Variants in FDX1 observed in about 807,000 individuals in gnomAD.
FDX1 encodes the protein adrenodoxin, mitochondrial.
Under a neutral mutation model 14.9 loss-of-function variants are expected in FDX1, and 9 were observed. The observed-to-expected ratio is 0.60, with a 90% CI of 0.36 to 1.05. The LOEUF (loss-of-function observed/expected upper bound fraction) is 1.05, where lower values mean the gene tolerates loss of function less well. FDX1 is among the 50% of genes least tolerant of loss of function. The pLI is 0.01. For missense variants in FDX1, 204 were observed against 237.2 expected, an observed-to-expected ratio of 0.86 and a Z score of 0.92; for synonymous variants, 92 against 99.4, an observed-to-expected ratio of 0.93 and a Z score of 0.44.
At position 110,463,003 on chromosome 11, in the gene FDX1, G is replaced by T. The variant is rs1025514301; in HGVS notation, c.*535G>T. The T allele has an allele frequency of 1.3e-5, 2 of 152,152 alleles. No individual in the cohort carries two copies. Among genetic ancestry groups the T allele is most frequent in the African/African-American group, 2.4e-5 (1 of 41,428 alleles). The allele number at this position is 152,152 out of a possible 1,614,324, so 9.4% of individuals were successfully genotyped here. ...TGTGTATGGACAAAAATATTTAATT[G>T]CTCAGTAAACTGCTTAACTTCAAAG... On this transcript the variant is annotated 3_prime_UTR_variant, in exon 4 of 4. Transcript: ENST00000260270.
intron 2 of FDX1, among the ~76,000 whole-genome samples, chr11:110,455,057 A>G (rs1001989722): frequency 2.0e-5 from 3 of 152,116 alleles, no homozygotes; most frequent in Admixed American, 1.3e-4. Context: ...CCCAGGCTGG[A>G]GTGCAGTGGG....
chr11:110,452,381 C>T (rs1946492346), intron 2 of FDX1, among the ~76,000 whole-genome samples: 1 of 151,916 alleles, frequency 6.6e-6, no homozygotes, highest in Non-Finnish European at 1.5e-5. Flanking sequence ...AAAAGCTCTC[C>T]AAACTTAACA....
intron 2 of FDX1, among the ~76,000 whole-genome samples, chr11:110,438,548 C>G (rs1281764810): frequency 6.6e-6 from 1 of 152,090 alleles, no homozygotes; most frequent in Non-Finnish European, 1.5e-5. Context: ...GCCTCAGTCT[C>G]CTGAGTAGCT....
chr11:110,430,276 G>T lies in FDX1; in HGVS notation c.156G>T (p.Ser52=). The T allele has an allele frequency of 8.3e-7, 1 of 1,202,418 alleles. No individual in the cohort carries two copies. The highest frequency in any genetic ancestry group is 1.0e-6 in the Non-Finnish European group (1 of 968,906). The allele number at this position is 1,202,418 out of a possible 1,614,324, so 74.5% of individuals were successfully genotyped here. A position where few individuals can be genotyped will look rare whatever the true frequency, so the allele number is the denominator to read the frequency against. The change falls in exon 1 of 4, where the codon TCG becomes TCT. Residue 52 remains serine, a synonymous_variant. Transcript: ENST00000260270. ...GCGGGAGCGCGGAGGCGAGCCGGTC[G>T]CTGAGCGTGTCGGCGCGGGCCCGGA... The part of the protein sequence containing the change: ...GPGGSAEASR[S]LSVSARARSS...
chr11:110,442,133 G>A (rs1205331140), intron 2 of FDX1, among the ~76,000 whole-genome samples: 1 of 152,244 alleles, frequency 6.6e-6, no homozygotes, highest in African/African-American at 2.4e-5. Flanking sequence ...AGGATGTATG[G>A]AAATGCCTAG....
At chr11:110,444,703 T>TATATATATATATAC (rs1286422125) in intron 2 of FDX1, among the ~76,000 whole-genome samples, 1 of 56,092 alleles carries the variant, frequency 1.8e-5, no homozygotes, top group Non-Finnish European at 3.3e-5. Context: ...TATATATATA[T>TATATATATATATAC]ACGTATATAT....
intron 1 of FDX1, among the ~76,000 whole-genome samples, chr11:110,431,702 T>C (rs1591245063): frequency 6.6e-6 from 1 of 152,222 alleles, no homozygotes; most frequent in African/African-American, 2.4e-5. Context: ...TAAGGGAACA[T>C]GAATGTTTTT....
rs551435073 is a variant in FDX1, at chr11:110,463,396, C to G, written c.*928C>G. 21 of 152,326 alleles carry G rather than the reference C, an allele frequency of 1.4e-4. No homozygotes were observed. The highest frequency in any genetic ancestry group is 4.8e-4 in the African/African-American group (20 of 41,570). 9.4% of individuals were successfully genotyped at this position (152,326 alleles called of 1,614,324 possible). On this transcript the variant is annotated 3_prime_UTR_variant, in exon 4 of 4. Coordinates refer to ENST00000260270, the MANE Select transcript of FDX1 (RefSeq NM_004109.5). Reference sequence around the variant, plus strand: ...AGCGTGGGCTGCAGTGTGTCAGTCCCAGGAGTGAGGGAGTGGCAAGCACCA... The same window carrying G: ...AGCGTGGGCTGCAGTGTGTCAGTCCGAGGAGTGAGGGAGTGGCAAGCACCA...
In FDX1 at chr11:110,430,315, C is replaced by A; in HGVS notation, c.185+10C>A. ...CGCGGGCCCGGAGCAGGTAGGGCGCCGTGCGGGCGCGATCGCCGGCGCGGG... is the reference window on the plus strand; with the variant it reads ...CGCGGGCCCGGAGCAGGTAGGGCGCAGTGCGGGCGCGATCGCCGGCGCGGG... On this transcript the variant is annotated intron_variant, in intron 1 of 3. Coordinates refer to ENST00000260270, the MANE Select transcript of FDX1 (RefSeq NM_004109.5). The A allele has an allele frequency of 1.7e-6, 2 of 1,191,646 alleles. No individual in the cohort carries two copies. The highest frequency in any genetic ancestry group is 2.1e-6 in the Non-Finnish European group (2 of 961,786). The allele number at this position is 1,191,646 out of a possible 1,614,324, so 73.8% of individuals were successfully genotyped here.
intron 1 of FDX1, among the ~76,000 whole-genome samples, chr11:110,435,502 A>G (rs1221845686): frequency 6.6e-6 from 1 of 152,240 alleles, no homozygotes; most frequent in Non-Finnish European, 1.5e-5. Context: ...ATTACCTGGT[A>G]GGTGGGTAGA....
At chr11:110,453,244 A>G (rs979446097) in intron 2 of FDX1, among the ~76,000 whole-genome samples, 5 of 152,200 alleles carry the variant, frequency 3.3e-5, no homozygotes, top group African/African-American at 9.7e-5. Flanking sequence ...AGGCTGAGGC[A>G]GGAGAATCAC....
intron 2 of FDX1, among the ~76,000 whole-genome samples, chr11:110,451,220 C>T (rs986214709): frequency 6.6e-6 from 1 of 151,630 alleles, no homozygotes; most frequent in African/African-American, 2.4e-5. Flanking sequence ...AATTTGTTTT[C>T]CCATAAAAAA....
intron 2 of FDX1, among the ~76,000 whole-genome samples, chr11:110,456,660 C>G (rs1946524286): frequency 6.6e-6 from 1 of 151,952 alleles, no homozygotes; most frequent in African/African-American, 2.4e-5. Context: ...GTGTGTGCCA[C>G]CATGCCTGGC....
chr11:110,437,843 C>G (rs989746259), intron 2 of FDX1, among the ~76,000 whole-genome samples: 2 of 152,172 alleles, frequency 1.3e-5, no homozygotes, highest in African/African-American at 4.8e-5. Flanking sequence ...AACTTTATGT[C>G]CATGGGACCC....
intron 2 of FDX1, among the ~76,000 whole-genome samples, chr11:110,438,544 G>T (rs12785938): frequency 0.16 from 24,001 of 152,056 alleles, 2,026 homozygotes; most frequent in Non-Finnish European, 0.19. Context: ...TCCTGCCTCA[G>T]TCTCCTGAGT....
Position 110,464,881 on chromosome 11 carries a change from A to G in FDX1, c.*2413A>G, listed in dbSNP as rs1946583342. 1 of 152,250 alleles carries G rather than the reference A, an allele frequency of 6.6e-6. No homozygotes were observed. The highest frequency in any genetic ancestry group is 1.5e-5 in the Non-Finnish European group (1 of 68,038). 9.4% of individuals were successfully genotyped at this position (152,250 alleles called of 1,614,324 possible). On this transcript the variant is annotated 3_prime_UTR_variant, in exon 4 of 4. Transcript: ENST00000260270. ...AATTATTAAATGGAGGATATAATCTATAATTGGTTTGTATAAAGGTGATTT... is the reference window on the plus strand; with the variant it reads ...AATTATTAAATGGAGGATATAATCTGTAATTGGTTTGTATAAAGGTGATTT...
chr11:110,456,849 C>A, intron 2 of FDX1, 69 bp from the exon 3 acceptor site: 1 of 1,498,620 alleles, frequency 6.7e-7, no homozygotes, highest in Non-Finnish European at 9.0e-7. Context: ...ATTTAGAAGC[C>A]TTTACTGAAC....
chr11:110,431,993 C>T (rs893861756), intron 1 of FDX1, among the ~76,000 whole-genome samples: 4 of 152,192 alleles, frequency 2.6e-5, no homozygotes, highest in African/African-American at 9.6e-5. Flanking sequence ...ATTAAAGATT[C>T]AATCTCGTAG....
At chr11:110,438,583 G>A (rs1172543017) in intron 2 of FDX1, among the ~76,000 whole-genome samples, 1 of 151,886 alleles carries the variant, frequency 6.6e-6, no homozygotes, top group African/African-American at 2.4e-5. Flanking sequence ...GTGCCACCAC[G>A]GCTAGCAAAT....
Sources: allele counts gnomAD v4.1 joint callset (sites outside exome capture counted in the v4.1 genomes callset), GRCh38; gene constraint gnomAD v4.1.1; transcripts MANE v1.5; gene names NCBI Gene and HGNC (gene_info 2026-07-23, HGNC 2026-07-21).